The following DIAPH3 variants were observed in gnomAD, a reference collection of about 807,000 sequenced individuals.
DIAPH3 encodes diaphanous related formin 3.
In DIAPH3, 117 loss-of-function variants were observed where a neutral mutation model predicts 144.3. The observed-to-expected ratio is 0.81, with a 90% CI of 0.70 to 0.95. The LOEUF (loss-of-function observed/expected upper bound fraction) is 0.95. DIAPH3 is among the 40% of genes least tolerant of loss of function. The probability of loss-of-function intolerance (pLI) is 0.00; values close to 1 mark genes in which losing one functional copy is unlikely to be tolerated. For synonymous variants in DIAPH3, 519 were observed against 488.9 expected (o/e 1.06, Z -0.81); for missense variants, 1,421 against 1,412.7 (o/e 1.01, Z -0.09).
At chr13:59,768,031 C>T (rs1172807372) in intron 27 of DIAPH3, among the ~76,000 whole-genome samples, 2 of 152,108 alleles carry the variant, frequency 1.3e-5, no homozygotes, top group Non-Finnish European at 2.9e-5. Flanking sequence ...GTCCATTCTG[C>T]CTTTTGCTTG....
At chr13:59,935,772 T>C (rs2048235729) in intron 17 of DIAPH3, among the ~76,000 whole-genome samples, 2 of 152,186 alleles carry the variant, frequency 1.3e-5, no homozygotes, top group African/African-American at 4.8e-5. Context: ...GATAGGCTAT[T>C]TTTCTATTCA....
intron 25 of DIAPH3, among the ~76,000 whole-genome samples, chr13:59,809,507 A>C (rs1044884088): frequency 8.6e-5 from 13 of 152,022 alleles, no homozygotes; most frequent in African/African-American, 2.9e-4. Flanking sequence ...CATCTCAAAA[A>C]AAAAAAAAAA....
chr13:60,028,242 T>G (rs1449588236), intron 5 of DIAPH3, among the ~76,000 whole-genome samples: 1 of 152,108 alleles, frequency 6.6e-6, no homozygotes. Flanking sequence ...AAAAATTTCA[T>G]CACAAGCATG....
chr13:59,680,303 T>A (rs939445649), intron 27 of DIAPH3, among the ~76,000 whole-genome samples: 1 of 152,132 alleles, frequency 6.6e-6, no homozygotes, highest in African/African-American at 2.4e-5. Flanking sequence ...TTGTTGAATA[T>A]CAGTGTTGAG....
At chr13:59,845,566 C>T (rs1357530080) in intron 22 of DIAPH3, among the ~76,000 whole-genome samples, 2 of 152,114 alleles carry the variant, frequency 1.3e-5, no homozygotes, top group Non-Finnish European at 2.9e-5. Flanking sequence ...TCATATCCTG[C>T]CAAATATTCA....
chr13:59,677,755 C>T (rs941160291), intron 27 of DIAPH3, among the ~76,000 whole-genome samples: 9 of 151,986 alleles, frequency 5.9e-5, no homozygotes, highest in African/African-American at 1.9e-4. Context: ...TGAATTGTTC[C>T]AATATTTAGC....
intron 27 of DIAPH3, among the ~76,000 whole-genome samples, chr13:59,756,846 A>G (rs563274958): frequency 6.6e-6 from 1 of 152,342 alleles, no homozygotes; most frequent in South Asian, 2.1e-4. Flanking sequence ...GTAATGATAA[A>G]AACATACAAA....
intron 22 of DIAPH3, among the ~76,000 whole-genome samples, chr13:59,840,601 A>G (rs1312872550): frequency 6.6e-6 from 1 of 152,196 alleles, no homozygotes; most frequent in Non-Finnish European, 1.5e-5. Flanking sequence ...GTATTCTGAC[A>G]TTAACAGCTT....
chr13:59,753,213 G>A (rs562067274), intron 27 of DIAPH3, among the ~76,000 whole-genome samples: 26 of 152,230 alleles, frequency 1.7e-4, no homozygotes, highest in Admixed American at 1.7e-3. Context: ...CCTAACTTTT[G>A]TCAAATCTAT....
rs2055776762 is a variant in DIAPH3 at position 60,042,773 on chromosome 13, A to G, written c.543T>C (p.His181=). The G allele has an allele frequency of 1.2e-6, 2 of 1,613,724 alleles. No individual in the cohort carries two copies. Among genetic ancestry groups the G allele is most frequent in the Middle Eastern group, 1.7e-4 (1 of 6,056 alleles). The change falls in exon 5 of 28, where the codon CAT becomes CAC. Residue 181 remains histidine (H), a synonymous_variant. Coordinates refer to ENST00000400324, the MANE Select transcript of DIAPH3 (RefSeq NM_001042517.2). ...SRQISPQEFI[H]ELKMGSADER... ...CATCTGCAGACCCCATTTTCAGCTC[A>G]TGAATGAATTCCTGAGGTGAGATCT...
chr13:59,810,045 T>G, intron 25 of DIAPH3, among the ~76,000 whole-genome samples: 1 of 152,288 alleles, frequency 6.6e-6, no homozygotes, highest in South Asian at 2.1e-4. Context: ...TATATACATA[T>G]GTTTCTGTAA....
chr13:59,762,052 C>CTTTTTTTTTTTTTTTTTTTTTTTTTTTT (rs35387511), intron 27 of DIAPH3, among the ~76,000 whole-genome samples: 4 of 59,520 alleles, frequency 6.7e-5, no homozygotes, highest in South Asian at 1.9e-3. Context: ...GCGTCAGCAT[C>CTTTTTTTTTTTTTTTTTTTTTTTTTTTT]TTTTTTTTTT....
chr13:59,967,872 T>C (rs2050146828), intron 17 of DIAPH3, among the ~76,000 whole-genome samples: 1 of 152,072 alleles, frequency 6.6e-6, no homozygotes, highest in African/African-American at 2.4e-5. Flanking sequence ...TTCCCCACTC[T>C]TTGTGTTCCC....
In DIAPH3 at chr13:59,983,953, T is replaced by C; in HGVS notation, c.1362-66A>G. 4 of 1,036,096 alleles carry C rather than the reference T, an allele frequency of 3.9e-6. No homozygotes were observed. The South Asian group carries it at 5.3e-5, about 14-fold the overall frequency. 64.2% of individuals were successfully genotyped at this position (1,036,096 alleles called of 1,614,324 possible). On this transcript the variant is annotated intron_variant, in intron 12 of 27. Transcript: ENST00000400324. The stretch of plus-strand genomic sequence containing the variant: ...GTGTAACTTTACATCAAAACAAAAC[T>C]TTTTGGCTAAGATTGATTTCAAGTT...
At chr13:59,795,831 A>C (rs2039573402) in intron 25 of DIAPH3, among the ~76,000 whole-genome samples, 1 of 152,154 alleles carries the variant, frequency 6.6e-6, no homozygotes, top group Non-Finnish European at 1.5e-5. Flanking sequence ...AGTTACAGAC[A>C]TATTCTCCAT....
intron 20 of DIAPH3, among the ~76,000 whole-genome samples, chr13:59,894,279 G>C (rs528532710): frequency 6.6e-6 from 1 of 152,180 alleles, no homozygotes; most frequent in East Asian, 1.9e-4. Context: ...CTGAAGATGG[G>C]ACATCAGGTG....
At chr13:59,900,817 C>A (rs917875689) in intron 20 of DIAPH3, among the ~76,000 whole-genome samples, 2 of 152,170 alleles carry the variant, frequency 1.3e-5, no homozygotes, top group Admixed American at 1.3e-4. Context: ...AAGAGGTCAA[C>A]AGACCCTTAG....
chr13:59,773,005 T>A (rs1189614607), intron 27 of DIAPH3, among the ~76,000 whole-genome samples: 1 of 152,134 alleles, frequency 6.6e-6, no homozygotes, highest in Non-Finnish European at 1.5e-5. Flanking sequence ...TCAGGATAGA[T>A]CTACTCTCTA....
At chr13:60,096,324 T>C (rs1189539635) in intron 3 of DIAPH3, among the ~76,000 whole-genome samples, 1 of 152,184 alleles carries the variant, frequency 6.6e-6, no homozygotes, top group Non-Finnish European at 1.5e-5. Flanking sequence ...CCTTTAGTTG[T>C]GGCTGAAATT....
Sources: gnomAD v4.1 joint callset for allele counts (sites outside exome capture counted in the v4.1 genomes callset) on GRCh38, gnomAD v4.1.1 for gene constraint, MANE v1.5 for transcripts, NCBI Gene and HGNC (gene_info 2026-07-23, HGNC 2026-07-21) for gene names.